PCCA: variants seen among roughly 807,000 people sequenced by gnomAD.
The protein encoded by PCCA is propionyl-CoA carboxylase alpha chain, mitochondrial.
A neutral mutation model predicts 101.3 loss-of-function variants in PCCA; 74 were observed. The ratio of observed to expected loss-of-function variants is 0.73; its 90% CI spans 0.61 to 0.89. The LOEUF is 0.89. PCCA is among the 40% of genes least tolerant of loss of function. PCCA has a pLI of 0.00. For synonymous variants in PCCA, 294 were observed against 313.6 expected, an observed-to-expected ratio of 0.94 and a Z score of 0.66; for missense variants, 891 against 907.0, an observed-to-expected ratio of 0.98 and a Z score of 0.23.
At chr13:100,328,991 CTT>C (rs534310079) in intron 16 of PCCA, among the ~76,000 whole-genome samples, 49 of 96,302 alleles carry the variant, frequency 5.1e-4, no homozygotes, top group South Asian at 9.7e-4. Flanking sequence ...CGCGCCTGGA[CTT>C]TTTTTTTTTT....
At chr13:100,235,938 C>A in intron 8 of PCCA, 60 bp downstream of exon 8, 3 of 1,018,154 alleles carry the variant, frequency 2.9e-6, no homozygotes, top group South Asian at 2.5e-5. Flanking sequence ...ACGGTTGAGT[C>A]AACAGGTAAT....
intron 19 of PCCA, among the ~76,000 whole-genome samples, chr13:100,409,354 T>G (rs996791465): frequency 2.0e-5 from 3 of 152,122 alleles, no homozygotes; most frequent in African/African-American, 7.2e-5. Flanking sequence ...CGGCTAAAGA[T>G]GAGGTTCTTT....
At position 100,182,182 on chromosome 13, in the gene PCCA, C is replaced by T. The variant is rs575495657; in HGVS notation, c.468+24842C>T. Among the ~76,000 whole-genome samples, 129 of 147,310 alleles carry T rather than the reference C, an allele frequency of 8.8e-4. 1 individual carries two copies. Among genetic ancestry groups the T allele is most frequent in the African/African-American group, 3.0e-3 (119 of 39,730 alleles). Reference sequence around the variant, plus strand: ...GCTTGATCTTGGCTTACTGCAACCTCCACCTCCCCGTTCAAGCGATTCTCC... The same window carrying T: ...GCTTGATCTTGGCTTACTGCAACCTTCACCTCCCCGTTCAAGCGATTCTCC... On this transcript the variant is annotated intron_variant, in intron 6 of 23. Transcript: ENST00000376285.
chr13:100,099,313 A>ATGTTTT (rs1566461612), intron 1 of PCCA, among the ~76,000 whole-genome samples: 1 of 144,502 alleles, frequency 6.9e-6, no homozygotes, highest in African/African-American at 2.7e-5. Context: ...GTGCTATCTA[A>ATGTTTT]TCTTTTTTTT....
rs142682769 is a variant in PCCA, at chr13:100,499,618, G to A, written c.1900-15809G>A. 9.4e-4 allele frequency among the ~76,000 whole-genome samples: 143 copies of A among 152,356 alleles called. 1 individual carries two copies. The East Asian group carries it at 0.026, about 28-fold the overall frequency. ...ATATCCTGCCTCCTTGGGATAAAGA[G>A]TGTTTGTTTACAGAGCTTCTGGGAT... On this transcript the variant is annotated intron_variant, in intron 21 of 23. Coordinates refer to ENST00000376285, the MANE Select transcript of PCCA (RefSeq NM_000282.4).
intron 12 of PCCA, among the ~76,000 whole-genome samples, chr13:100,287,770 T>A (rs2064802229): frequency 6.6e-6 from 1 of 151,942 alleles, no homozygotes; most frequent in South Asian, 2.1e-4. Context: ...CATAGCTTCA[T>A]GATTAGTGAG....
At chr13:100,333,575 G>A (rs1595402035) in intron 17 of PCCA, among the ~76,000 whole-genome samples, 2 of 152,320 alleles carry the variant, frequency 1.3e-5, no homozygotes, top group Admixed American at 1.3e-4. Flanking sequence ...CTCTTTAGAT[G>A]TGGATGTTGA....
intron 15 of PCCA, 108 bp downstream of exon 15, chr13:100,307,368 T>C (rs374569996): frequency 9.0e-6 from 7 of 778,464 alleles, no homozygotes; most frequent in South Asian, 7.5e-5. Context: ...ATTAAACAAC[T>C]AATTATGCAC....
intron 21 of PCCA, among the ~76,000 whole-genome samples, chr13:100,508,205 G>T (rs1594067040): frequency 6.6e-6 from 1 of 152,134 alleles, no homozygotes; most frequent in East Asian, 1.9e-4. Flanking sequence ...TTAGCCTTAA[G>T]ATGGTTCTTT....
chr13:100,142,387 G>A (rs569958868), intron 4 of PCCA, among the ~76,000 whole-genome samples: 69 of 151,696 alleles, frequency 4.5e-4, no homozygotes, highest in South Asian at 1.2e-3. Flanking sequence ...TCTTTAACCC[G>A]TCTTTATAGT....
chr13:100,363,653 AAGCATTTCT>A (rs1261521565), intron 18 of PCCA, among the ~76,000 whole-genome samples: 2 of 152,168 alleles, frequency 1.3e-5, no homozygotes, highest in African/African-American at 2.4e-5. Context: ...AGTTATGATG[AAGCATTTCT>A]TAATGATTCC....
chr13:100,390,628 G>A (rs2076754122), intron 19 of PCCA, among the ~76,000 whole-genome samples: 1 of 152,316 alleles, frequency 6.6e-6, no homozygotes, highest in Admixed American at 6.5e-5. Context: ...GAAAACCCAA[G>A]AAGTTGTGTT....
chr13:100,285,365 G>A lies in PCCA; in HGVS notation c.1065+12019G>A, dbSNP rs147945540. Among the ~76,000 whole-genome samples, 435 of 152,276 alleles carry A rather than the reference G, an allele frequency of 2.9e-3. 1 individual carries two copies. Among genetic ancestry groups the A allele is most frequent in the African/African-American group, 1.0e-2 (414 of 41,544 alleles). On this transcript the variant is annotated intron_variant, in intron 12 of 23. Transcript: ENST00000376285. ...CACAGTACAAAGCTTCTCTTTATACGTCACAGAGAGAGCCGGGATAGCTCT... is the reference window on the plus strand; with the variant it reads ...CACAGTACAAAGCTTCTCTTTATACATCACAGAGAGAGCCGGGATAGCTCT...
At position 100,189,749 on chromosome 13, in the gene PCCA, A is replaced by G. The variant is rs1473432301; in HGVS notation, c.469-19583A>G. Among the ~76,000 whole-genome samples the G allele has an allele frequency of 3.3e-5, 5 of 152,176 alleles. No homozygotes were observed. The East Asian group carries it at 9.6e-4, about 29-fold the overall frequency. The stretch of plus-strand genomic sequence containing the variant: ...GCTCTTGAACTCCTGAACTCAAGCA[A>G]TCCCCTTGCTTTGGCCTCCCAAAGT... On this transcript the variant is annotated intron_variant, in intron 6 of 23. Transcript: ENST00000376285.
chr13:100,330,726 T>C (rs977446782), intron 17 of PCCA, 55 bp downstream of exon 17: 1 of 1,004,756 alleles, frequency 1.0e-6, no homozygotes, highest in Non-Finnish European at 1.6e-6. Context: ...TTATACTTTA[T>C]TGTAATACAT....
chr13:100,396,749 A>G lies in PCCA; in HGVS notation c.1746+28175A>G, dbSNP rs116679595. On this transcript the variant is annotated intron_variant, in intron 19 of 23. Transcript: ENST00000376285. ...TTCTAATATTCTTTGTTAGAATTGT[A>G]TTTATTTTATGAAGCCCCTTTTGAA... Among the ~76,000 whole-genome samples the G allele has an allele frequency of 6.2e-3, 949 of 152,310 alleles. 12 individuals carry two copies. The highest frequency in any genetic ancestry group is 0.031 in the South Asian group (150 of 4,822).
chr13:100,348,924 C>CTTTCCTTCCTTCCTTCCTTCCTTTA, intron 18 of PCCA, among the ~76,000 whole-genome samples: 1 of 29,170 alleles, frequency 3.4e-5, no homozygotes, highest in Non-Finnish European at 8.1e-5. Context: ...CTTTTCTTTT[C>CTTTCCTTCCTTCCTTCCTTCCTTTA]TTTTCTTTTC....
At chr13:100,311,084 A>T (rs898046522) in intron 16 of PCCA, among the ~76,000 whole-genome samples, 4 of 151,888 alleles carry the variant, frequency 2.6e-5, no homozygotes, top group Non-Finnish European at 4.4e-5. Flanking sequence ...AAATACAAAA[A>T]TTAGTCAGGC....
intron 8 of PCCA, among the ~76,000 whole-genome samples, chr13:100,248,744 T>C (rs1038933808): frequency 6.6e-6 from 1 of 152,178 alleles, no homozygotes; most frequent in African/African-American, 2.4e-5. Flanking sequence ...CTAGAACTTA[T>C]GTCTTTATTC....
Sources: allele counts gnomAD v4.1 joint callset (sites outside exome capture counted in the v4.1 genomes callset), GRCh38; gene constraint gnomAD v4.1.1; transcripts MANE v1.5; gene names NCBI Gene and HGNC (gene_info 2026-07-23, HGNC 2026-07-21).